Variants in ATE1 observed in about 807,000 individuals in gnomAD.
ATE1 encodes arginyltransferase 1.
ATE1 carries 36 observed loss-of-function variants against 70.5 expected under a neutral mutation model. The observed-to-expected ratio is 0.51, with a 90% CI of 0.39 to 0.67. ATE1 has a LOEUF of 0.67. ATE1 is among the 30% of genes least tolerant of loss of function. The pLI, the probability that ATE1 is intolerant of heterozygous loss-of-function variation, is 0.00. For synonymous variants in ATE1, 232 were observed against 219.3 expected (o/e 1.06, Z -0.51); for missense variants, 593 against 629.5 (o/e 0.94, Z 0.62).
chr10:121,787,561 G>C (rs1946264415), intron 11 of ATE1, among the ~76,000 whole-genome samples: 4 of 152,166 alleles, frequency 2.6e-5, no homozygotes. Context: ...ATGAAAAAAA[G>C]ATCTTCAATT....
At chr10:121,835,800 A>G (rs1948411203) in intron 10 of ATE1, among the ~76,000 whole-genome samples, 1 of 152,166 alleles carries the variant, frequency 6.6e-6, no homozygotes, top group Non-Finnish European at 1.5e-5. Context: ...GGAGGTGGCA[A>G]TGAAGGAATA....
intron 11 of ATE1, among the ~76,000 whole-genome samples, chr10:121,769,946 T>C (rs1945433621): frequency 6.6e-6 from 1 of 152,258 alleles, no homozygotes; most frequent in African/African-American, 2.4e-5. Flanking sequence ...GAAAATAGTT[T>C]GGCAGTTTCT....
chr10:121,758,368 C>T (rs1344175801), intron 11 of ATE1, among the ~76,000 whole-genome samples: 1 of 152,056 alleles, frequency 6.6e-6, no homozygotes, highest in Non-Finnish European at 1.5e-5. Flanking sequence ...GACTAATTTC[C>T]AAAGAATGAA....
intron 8 of ATE1, among the ~76,000 whole-genome samples, chr10:121,858,040 A>G (rs913876379): frequency 6.6e-6 from 1 of 152,170 alleles, no homozygotes; most frequent in Non-Finnish European, 1.5e-5. Context: ...TTAAGGCTGA[A>G]TAATATTCCT....
At chr10:121,814,928 A>G (rs981205591) in intron 10 of ATE1, among the ~76,000 whole-genome samples, 4 of 152,230 alleles carry the variant, frequency 2.6e-5, no homozygotes, top group African/African-American at 7.2e-5. Context: ...ATCCTCAAAT[A>G]TATGTGCCAA....
intron 11 of ATE1, among the ~76,000 whole-genome samples, chr10:121,745,065 A>G (rs1944294013): frequency 6.6e-6 from 1 of 152,038 alleles, no homozygotes; most frequent in South Asian, 2.1e-4. Flanking sequence ...ACTTCATGGA[A>G]CAAAACTGCC....
intron 11 of ATE1, chr10:121,782,420 C>A (rs968968667): frequency 2.6e-5 from 4 of 152,048 alleles, no homozygotes; most frequent in Admixed American, 2.6e-4. Flanking sequence ...CATCTTTTGC[C>A]CCCTTCTATA....
upstream of ATE1, chr10:121,928,121 G>A (rs1952182098): frequency 8.1e-7 from 1 of 1,232,806 alleles, no homozygotes; most frequent in African/African-American, 1.6e-5. Context: ...CGCCGCCCGC[G>A]CCATCTTGAC....
At chr10:121,925,388 C>G (rs1463659111) in intron 1 of ATE1, among the ~76,000 whole-genome samples, 1 of 150,298 alleles carries the variant, frequency 6.7e-6, no homozygotes, top group East Asian at 2.0e-4. Flanking sequence ...CCATTGCACT[C>G]CACACTCCAG....
chr10:121,860,313 G>C (rs556661799), intron 8 of ATE1, among the ~76,000 whole-genome samples: 1 of 152,202 alleles, frequency 6.6e-6, no homozygotes, highest in Non-Finnish European at 1.5e-5. Flanking sequence ...CCAACTCTCA[G>C]TTTAGTGTCT....
rs920802306 is a variant in ATE1, at chr10:121,915,608, G to C, written c.234-1715C>G. Reference sequence around the variant, plus strand: ...GAGGATAGAAAAGCTTCCTAAGAGAGGCCGGGCGCCGTGGCTCACACCTGT... The same window carrying C: ...GAGGATAGAAAAGCTTCCTAAGAGACGCCGGGCGCCGTGGCTCACACCTGT... On this transcript the variant is annotated intron_variant, in intron 3 of 11. Transcript: ENST00000224652. Among the ~76,000 whole-genome samples the C allele has an allele frequency of 2.6e-5, 4 of 152,240 alleles. No individual in the cohort carries two copies. In the East Asian group the frequency reaches 5.8e-4, roughly 22 times the overall value.
chr10:121,853,445 T>C (rs1457040781), intron 8 of ATE1, among the ~76,000 whole-genome samples: 1 of 152,140 alleles, frequency 6.6e-6, no homozygotes, highest in African/African-American at 2.4e-5. Context: ...CAGAAACTTT[T>C]TGAGCACTGA....
rs767033886 is a variant in ATE1, at chr10:121,911,102, T to C, written c.387A>G (p.Ala129=). The C allele has an allele frequency of 3.1e-6, 5 of 1,611,158 alleles. No homozygotes were observed. The highest frequency in any genetic ancestry group is 4.2e-6 in the Non-Finnish European group (5 of 1,179,532). Residue 129 remains alanine (A), a synonymous_variant, in exon 5 of 12, where the codon GCA becomes GCG. Transcript: ENST00000224652. ...TMDDAVAGDF[A]LINKLDIQCD... is the part of the protein sequence containing the mutation. ...ACTGTATATCCAGTTTATTTATCAA[T>C]GCAAAGTCACCCGCAACAGCATCAT...
At chr10:121,777,179 G>C (rs1322372199) in intron 11 of ATE1, among the ~76,000 whole-genome samples, 1 of 152,198 alleles carries the variant, frequency 6.6e-6, no homozygotes, top group African/African-American at 2.4e-5. Context: ...CTAATGACTG[G>C]CGGGACTAGA....
intron 8 of ATE1, among the ~76,000 whole-genome samples, chr10:121,845,090 CT>C (rs1948766997): frequency 6.6e-6 from 1 of 152,082 alleles, no homozygotes; most frequent in Non-Finnish European, 1.5e-5. Context: ...TAAACACAAC[CT>C]TTATATGCTC....
intron 10 of ATE1, among the ~76,000 whole-genome samples, chr10:121,809,419 A>T (rs1947228223): frequency 6.6e-6 from 1 of 152,190 alleles, no homozygotes. Context: ...ATGCAGCACA[A>T]GCACTTTACA....
rs764849374 is a variant in ATE1 at position 121,743,725 on chromosome 10, C to G, written c.1512G>C (p.Leu504=). ...EEAAVLQYAS[L]VGQKCSERML... ...TCCGCTCGGAGCACTTCTGCCCCAC[C>G]AGGCTGGCGTACTGCAGAACAGCAG... Residue 504 remains leucine, a synonymous_variant, in exon 12 of 12, where the codon CTG becomes CTC. Transcript: ENST00000224652. 5 of 1,613,756 alleles carry G rather than the reference C, an allele frequency of 3.1e-6. No individual in the cohort carries two copies. The highest frequency in any genetic ancestry group is 1.7e-5 in the Admixed American group (1 of 59,946).
At chr10:121,898,695 C>A in intron 7 of ATE1, 1 of 906,758 alleles carries the variant, frequency 1.1e-6, no homozygotes, top group South Asian at 2.4e-5. Context: ...ATTTAAAATG[C>A]TCACATGTAT....
intron 5 of ATE1, among the ~76,000 whole-genome samples, chr10:121,906,205 G>C (rs1036119290): frequency 6.6e-6 from 1 of 152,030 alleles, no homozygotes; most frequent in African/African-American, 2.4e-5. Flanking sequence ...ACCAGCCTGG[G>C]CAACATAGCA....
Sources: allele counts gnomAD v4.1 joint callset (sites outside exome capture counted in the v4.1 genomes callset), GRCh38; gene constraint gnomAD v4.1.1; transcripts MANE v1.5; gene names NCBI Gene and HGNC (gene_info 2026-07-23, HGNC 2026-07-21).